DNAH14: variants seen among roughly 807,000 people sequenced by gnomAD.
DNAH14 encodes the protein dynein axonemal heavy chain 14.
Under a neutral mutation model 520.9 loss-of-function variants are expected in DNAH14, and 478 were observed. That is an observed-to-expected ratio of 0.92 (90% CI 0.85 to 0.99). The LOEUF (loss-of-function observed/expected upper bound fraction) is 0.99, where lower values mean the gene tolerates loss of function less well. DNAH14 is among the 50% of genes least tolerant of loss of function. The pLI, the probability that DNAH14 is intolerant of heterozygous loss-of-function variation, is 0.00. For synonymous variants in DNAH14, 1,581 were observed against 1,757.2 expected (o/e 0.90, Z 2.51); for missense variants, 4,831 against 5,234.5 (o/e 0.92, Z 2.38).
chr1:224,975,860 A>G (rs918741495), intron 8 of DNAH14, among the ~76,000 whole-genome samples: 11 of 151,832 alleles, frequency 7.2e-5, no homozygotes, highest in African/African-American at 2.7e-4. Flanking sequence ...TCTTGTGGGC[A>G]TTTAGTGCTA....
At chr1:224,933,953 C>T (rs372466925) in intron 1 of DNAH14, among the ~76,000 whole-genome samples, 31 of 151,818 alleles carry the variant, frequency 2.0e-4, no homozygotes, top group African/African-American at 6.3e-4. Context: ...CAAAGAAATG[C>T]GGAGACTACA....
In DNAH14 at chr1:225,398,586, C is replaced by T. The variant is rs1439739088; in HGVS notation, c.13558C>T (p.Arg4520Cys). The T allele has an allele frequency of 3.2e-6, 5 of 1,551,724 alleles. No homozygotes were observed. The highest frequency in any genetic ancestry group is 3.9e-5 in the Admixed American group (2 of 50,996). ...ATTCATCGAGGGGGCAAGATGGAAT[C>T]GTGAACAGAAAATACTGGAAGACTC... is the stretch of plus-strand genomic sequence containing the variant. ...GLFIEGARWN[R>C]EQKILEDSLP... Residue 4520 changes from arginine to cysteine, a missense_variant, in exon 85 of 86, where the codon CGT (arginine) becomes TGT (cysteine). Coordinates refer to ENST00000682510, the MANE Select transcript of DNAH14 (RefSeq NM_001367479.1).
At chr1:225,281,654 A>G (rs568527749) in intron 54 of DNAH14, among the ~76,000 whole-genome samples, 24 of 152,318 alleles carry the variant, frequency 1.6e-4, no homozygotes, top group Non-Finnish European at 2.8e-4. Flanking sequence ...TGATAATTCT[A>G]AAACTATTGT....
At position 225,085,599 on chromosome 1, in the gene DNAH14, C is replaced by T. The variant is rs970613081; in HGVS notation, c.3383C>T (p.Ala1128Val). The change falls in exon 21 of 86, where the codon GCT becomes GTT. Residue 1128 changes from alanine to valine, a missense_variant. Transcript: ENST00000682510. Reference sequence around the variant, plus strand: ...ATGTCAACCTCAGCAACTAATGAAGCTGCTCTTGAAAAAATGCTATTTAAG... The same window carrying T: ...ATGTCAACCTCAGCAACTAATGAAGTTGCTCTTGAAAAAATGCTATTTAAG... ...NDMSTSATNEAALEKMLFKII... is the reference protein window; with the variant it reads ...NDMSTSATNEVALEKMLFKII... The T allele has an allele frequency of 5.8e-6, 9 of 1,549,272 alleles. No individual in the cohort carries two copies. The highest frequency in any genetic ancestry group is 1.4e-5 in the African/African-American group (1 of 73,012).
intron 10 of DNAH14, among the ~76,000 whole-genome samples, chr1:225,017,132 G>A (rs1016855327): frequency 2.0e-5 from 3 of 152,036 alleles, no homozygotes; most frequent in Admixed American, 2.0e-4. Flanking sequence ...ATGACATTCA[G>A]TATGTTGGAG....
chr1:225,027,231 A>T (rs2066183638), intron 11 of DNAH14, among the ~76,000 whole-genome samples: 1 of 152,072 alleles, frequency 6.6e-6, no homozygotes, highest in African/African-American at 2.4e-5. Flanking sequence ...TACCAATCTG[A>T]TACCTTTTAT....
At chr1:225,187,794 T>C (rs113446528) in intron 37 of DNAH14, among the ~76,000 whole-genome samples, 5 of 152,054 alleles carry the variant, frequency 3.3e-5, no homozygotes, top group African/African-American at 1.2e-4. Flanking sequence ...TAAATTGTTA[T>C]CTTTTTGTTG....
chr1:225,287,078 A>G (rs1181408725), intron 54 of DNAH14, among the ~76,000 whole-genome samples: 2 of 152,160 alleles, frequency 1.3e-5, no homozygotes, highest in African/African-American at 2.4e-5. Flanking sequence ...GTTTGGTGGA[A>G]AGAAAGTGAA....
intron 84 of DNAH14, among the ~76,000 whole-genome samples, chr1:225,393,811 TTTG>T (rs2095957189): frequency 6.9e-6 from 1 of 144,444 alleles, no homozygotes; most frequent in Admixed American, 6.8e-5. Context: ...TATATCTTTT[TTTG>T]TTTTTTTTTT....
intron 41 of DNAH14, among the ~76,000 whole-genome samples, chr1:225,229,704 C>T (rs1574151419): frequency 6.6e-6 from 1 of 151,678 alleles, no homozygotes; most frequent in Non-Finnish European, 1.5e-5. Context: ...CACTCATAAG[C>T]TGGAGTTGAA....
intron 37 of DNAH14, among the ~76,000 whole-genome samples, chr1:225,187,671 G>A (rs572611556): frequency 2.0e-4 from 30 of 151,868 alleles, no homozygotes; most frequent in Admixed American, 2.6e-4. Flanking sequence ...CCATTCTAGC[G>A]GATGCGAAAT....
intron 27 of DNAH14, among the ~76,000 whole-genome samples, chr1:225,138,950 C>T (rs910525927): frequency 6.6e-6 from 1 of 151,936 alleles, no homozygotes; most frequent in Non-Finnish European, 1.5e-5. Context: ...TGCTTCTAAT[C>T]GGTCATCTTA....
In DNAH14 at chr1:225,300,938, G is replaced by A; in HGVS notation, c.8539G>A (p.Glu2847Lys). The part of the protein sequence containing the change: ...GRIPDLFENV[E>K]LDSIAMKIRY... ...AATACCTGACCTGTTTGAAAATGTT[G>A]AGCTGGATTCTATTGCAATGAAAAT... The change falls in exon 56 of 86, where the codon GAG becomes AAG. Residue 2847 changes from glutamate to lysine, a missense_variant. Physicochemically the swap from Glu to Lys is moderately conservative, Grantham distance 56 (BLOSUM62 1). Coordinates refer to ENST00000682510, the MANE Select transcript of DNAH14 (RefSeq NM_001367479.1). 1 of 1,551,398 alleles carries A rather than the reference G, an allele frequency of 6.4e-7. No homozygotes were observed. The highest frequency in any genetic ancestry group is 8.7e-7 in the Non-Finnish European group (1 of 1,146,874).
intron 23 of DNAH14, among the ~76,000 whole-genome samples, chr1:225,101,595 A>C (rs2148731063): frequency 6.6e-6 from 1 of 152,234 alleles, no homozygotes; most frequent in East Asian, 1.9e-4. Context: ...CCACAAATAA[A>C]TGAGAACATA....
chr1:225,041,005 A>AATT (rs1209461073), intron 12 of DNAH14, among the ~76,000 whole-genome samples: 1 of 152,230 alleles, frequency 6.6e-6, no homozygotes, highest in African/African-American at 2.4e-5. Flanking sequence ...GAGGGACAGA[A>AATT]CCAATAAGAT....
At position 225,253,247 on chromosome 1, in the gene DNAH14, A is replaced by T. The variant is rs2092619839; in HGVS notation, c.6865+830A>T. Among the ~76,000 whole-genome samples the T allele has an allele frequency of 1.3e-5, 2 of 152,188 alleles. 1 individual carries two copies. The highest frequency in any genetic ancestry group is 4.1e-4 in the South Asian group (2 of 4,828). ...AACTGTATTTCATATGTTAGTGCTG[A>T]TATTGACTGACAGCCTTAGCTTTTT... is the stretch of plus-strand genomic sequence containing the variant. On this transcript the variant is annotated intron_variant, in intron 44 of 85. Coordinates refer to ENST00000682510, the MANE Select transcript of DNAH14 (RefSeq NM_001367479.1).
At chr1:225,386,557 A>G (rs541966307) in intron 81 of DNAH14, among the ~76,000 whole-genome samples, 2 of 152,380 alleles carry the variant, frequency 1.3e-5, no homozygotes, top group African/African-American at 4.8e-5. Context: ...TAACCCTATT[A>G]AAAAGTGGGC....
At chr1:225,074,840 T>A (rs899483818) in intron 17 of DNAH14, among the ~76,000 whole-genome samples, 13 of 152,150 alleles carry the variant, frequency 8.5e-5, no homozygotes, top group Non-Finnish European at 1.6e-4. Context: ...TCATCTCAGG[T>A]GCAACACTGC....
At chr1:225,378,514 T>G (rs1045853527) in intron 79 of DNAH14, among the ~76,000 whole-genome samples, 5 of 152,216 alleles carry the variant, frequency 3.3e-5, no homozygotes, top group Non-Finnish European at 7.3e-5. Flanking sequence ...TAAATACTTC[T>G]TGGCAGCTTT....
Sources: gnomAD v4.1 joint callset for allele counts (sites outside exome capture counted in the v4.1 genomes callset) on GRCh38, gnomAD v4.1.1 for gene constraint, MANE v1.5 for transcripts, NCBI Gene and HGNC (gene_info 2026-07-23, HGNC 2026-07-21) for gene names.